The following CHD6 variants were observed in gnomAD, a reference collection of about 807,000 sequenced individuals.
The protein encoded by CHD6 is ATP-dependent chromatin remodeler CHD6.
Under a neutral mutation model 276.9 loss-of-function variants are expected in CHD6, and 50 were observed. The observed-to-expected ratio is 0.18, with a 90% CI of 0.14 to 0.23. The LOEUF is 0.23. Among genes scored for constraint, CHD6 ranks in the 10% least tolerant of loss-of-function variants. CHD6 has a pLI of 1.00. For synonymous variants in CHD6, 1,173 were observed against 1,229.3 expected, an observed-to-expected ratio of 0.95 and a Z score of 0.96; for missense variants, 2,564 against 3,365.8, an observed-to-expected ratio of 0.76 and a Z score of 5.89.
At position 41,487,757 on chromosome 20, in the gene CHD6, G is replaced by T; in HGVS notation, c.1909C>A (p.Leu637Ile). ...GTPLQNSVEE[L>I]FSLLNFLEPS... ...TCCAGAAAATTTAACAAACTGAAGA[G>T]CTCCTCCACAGAGTTCTGCAAGGGT... The change falls in exon 14 of 37, where the codon CTC (leucine) becomes ATC (isoleucine). Residue 637 changes from leucine to isoleucine, a missense_variant. By Grantham distance (5) the Leu-to-Ile change is conservative. Transcript: ENST00000373233. The T allele has an allele frequency of 1.2e-6, 2 of 1,611,264 alleles. No individual in the cohort carries two copies. Among genetic ancestry groups the T allele is most frequent in the Non-Finnish European group, 1.7e-6 (2 of 1,179,216 alleles).
At chr20:41,449,793 T>A (rs2048180848) in intron 23 of CHD6, among the ~76,000 whole-genome samples, 1 of 152,330 alleles carries the variant, frequency 6.6e-6, no homozygotes, top group South Asian at 2.1e-4. Flanking sequence ...GTATTCAGCA[T>A]CTAGATCAGG....
chr20:41,536,345 G>T (rs920069152), intron 2 of CHD6, among the ~76,000 whole-genome samples: 1 of 152,174 alleles, frequency 6.6e-6, no homozygotes, highest in Non-Finnish European at 1.5e-5. Context: ...TGCACTGTTA[G>T]TAAAAAACTC....
intron 1 of CHD6, among the ~76,000 whole-genome samples, chr20:41,554,504 G>C (rs2045192518): frequency 6.6e-6 from 1 of 151,704 alleles, no homozygotes; most frequent in East Asian, 1.9e-4. Flanking sequence ...AGTGAACAAA[G>C]GTCTCTGGTT....
At position 41,412,219 on chromosome 20, in the gene CHD6, T is replaced by A. The variant is rs756938936; in HGVS notation, c.7176A>T (p.Glu2392Asp). 6.2e-7 allele frequency: 1 copy of A among 1,614,204 alleles called. No individual in the cohort carries two copies. The highest frequency in any genetic ancestry group is 2.2e-5 in the East Asian group (1 of 44,886). The change falls in exon 36 of 37, where the codon GAA becomes GAT. Residue 2392 changes from glutamate (E) to aspartate (D), a missense_variant. Transcript: ENST00000373233. The stretch of plus-strand genomic sequence containing the variant: ...GGGAGCTGACATCTAATTTTCCAGG[T>A]TCTTTACAGCGTGGCCTCCTCTGCT... ...KPKQRRPRCK[E>D]PGKLDVSSLS...
At chr20:41,536,709 T>A (rs1455131259) in intron 2 of CHD6, among the ~76,000 whole-genome samples, 2 of 152,018 alleles carry the variant, frequency 1.3e-5, no homozygotes, top group Non-Finnish European at 2.9e-5. Flanking sequence ...TACATCAGGT[T>A]AAAAAAAATT....
intron 1 of CHD6, among the ~76,000 whole-genome samples, chr20:41,556,108 C>A (rs963170116): frequency 9.2e-5 from 14 of 152,204 alleles, no homozygotes; most frequent in Non-Finnish European, 1.9e-4. Flanking sequence ...GAAAACCAGT[C>A]AGGCGTGGCG....
At chr20:41,466,326 A>AT (rs36062360) in intron 17 of CHD6, among the ~76,000 whole-genome samples, 1 of 151,884 alleles carries the variant, frequency 6.6e-6, no homozygotes. Context: ...TTTCCACCTT[A>AT]TTTTTTTTCC....
At chr20:41,458,334 A>T (rs1406536022) in intron 17 of CHD6, among the ~76,000 whole-genome samples, 1 of 152,210 alleles carries the variant, frequency 6.6e-6, no homozygotes, top group African/African-American at 2.4e-5. Context: ...TTTTTTTATT[A>T]CTTCTTTATG....
chr20:41,495,821 C>G (rs1428816423), intron 8 of CHD6, among the ~76,000 whole-genome samples: 1 of 152,196 alleles, frequency 6.6e-6, no homozygotes, highest in Non-Finnish European at 1.5e-5. Context: ...TGCAGGTATT[C>G]TGTGAGGCTG....
intron 36 of CHD6, among the ~76,000 whole-genome samples, chr20:41,411,244 A>G (rs2046833669): frequency 6.6e-6 from 1 of 152,038 alleles, no homozygotes; most frequent in African/African-American, 2.4e-5. Context: ...TGAGAACATT[A>G]AATGCCAAAC....
At chr20:41,480,288 A>G (rs2043264965) in intron 16 of CHD6, among the ~76,000 whole-genome samples, 1 of 152,224 alleles carries the variant, frequency 6.6e-6, no homozygotes. Context: ...AGGAGGCCCC[A>G]GAAGGTATGG....
chr20:41,575,048 G>A (rs1286744125), intron 1 of CHD6, among the ~76,000 whole-genome samples: 1 of 152,138 alleles, frequency 6.6e-6, no homozygotes, highest in African/African-American at 2.4e-5. Flanking sequence ...TGTTTGCATA[G>A]GAATGTGACC....
rs2048029560 is a variant in CHD6 at position 41,445,278 on chromosome 20, C to T, written c.3877+387G>A. ...TATCGAGAATGACCTTATAATTCTGCATATATAAGAAATGCTGAAACTTAG... is the reference window on the plus strand; with the variant it reads ...TATCGAGAATGACCTTATAATTCTGTATATATAAGAAATGCTGAAACTTAG... On this transcript the variant is annotated intron_variant, in intron 25 of 36. Coordinates refer to ENST00000373233, the MANE Select transcript of CHD6 (RefSeq NM_032221.5). Among the ~76,000 whole-genome samples the T allele has an allele frequency of 2.6e-5, 4 of 152,142 alleles. No homozygotes were observed. The South Asian group carries it at 8.3e-4, about 32-fold the overall frequency.
In CHD6 at chr20:41,452,692, G is replaced by A. The variant is rs1275910958; in HGVS notation, c.3323+48C>T. On this transcript the variant is annotated intron_variant, in intron 21 of 36. Coordinates refer to ENST00000373233, the MANE Select transcript of CHD6 (RefSeq NM_032221.5). This position sits in a 1 kb window ranked among gnomAD's most constrained non-coding sequence, Gnocchi z 4.2. ...CAAATCTCAGGGACTGAAAAACAGA[G>A]GGGAACAAACAACAATAACAACAAA... 3.3e-6 allele frequency: 5 copies of A among 1,535,268 alleles called. No homozygotes were observed. Among genetic ancestry groups the A allele is most frequent in the South Asian group, 1.1e-5 (1 of 87,738 alleles).
chr20:41,509,238 C>T (rs1408946927), intron 5 of CHD6, among the ~76,000 whole-genome samples: 1 of 152,072 alleles, frequency 6.6e-6, no homozygotes, highest in Non-Finnish European at 1.5e-5. Context: ...TAGTGAAAAA[C>T]ATTATCAAAC....
At chr20:41,460,906 C>T (rs899551566) in intron 17 of CHD6, among the ~76,000 whole-genome samples, 53 of 152,186 alleles carry the variant, frequency 3.5e-4, no homozygotes, top group African/African-American at 1.2e-3. Flanking sequence ...GCCACAGACA[C>T]TCAATGCCAG....
At chr20:41,446,829 A>T (rs1218627204) in intron 24 of CHD6, among the ~76,000 whole-genome samples, 2 of 152,224 alleles carry the variant, frequency 1.3e-5, no homozygotes. Flanking sequence ...ACGCAGAGGA[A>T]GGAAGAGGGT....
At chr20:41,436,441 T>C (rs1373562087) in intron 27 of CHD6, among the ~76,000 whole-genome samples, 1 of 152,218 alleles carries the variant, frequency 6.6e-6, no homozygotes, top group African/African-American at 2.4e-5. Context: ...ACAGCCACTC[T>C]GGAAAACAAT....
intron 25 of CHD6, among the ~76,000 whole-genome samples, chr20:41,441,021 A>G (rs145920827): frequency 4.6e-4 from 70 of 152,292 alleles, no homozygotes; most frequent in African/African-American, 1.6e-3. Context: ...CTTTTCCCTG[A>G]GGAGCTGTGG....
Sources: allele counts gnomAD v4.1 joint callset (sites outside exome capture counted in the v4.1 genomes callset), GRCh38; gene constraint gnomAD v4.1.1; non-coding constraint Gnocchi (gnomAD v3.1); transcripts MANE v1.5; gene names NCBI Gene and HGNC (gene_info 2026-07-23, HGNC 2026-07-21).